SFXN5: variants seen among roughly 807,000 people sequenced by gnomAD.
The protein encoded by SFXN5 is sideroflexin-5.
A neutral mutation model predicts 50.2 loss-of-function variants in SFXN5; 43 were observed. That is an observed-to-expected ratio of 0.86 (90% CI 0.67 to 1.11). The LOEUF is 1.11. Among genes scored for constraint, SFXN5 ranks in the 50% least tolerant of loss-of-function variants. The pLI, the probability that SFXN5 is intolerant of heterozygous loss-of-function variation, is 0.00. For missense variants in SFXN5, 463 were observed against 454.1 expected (o/e 1.02, Z -0.18); for synonymous variants, 203 against 185.8 (o/e 1.09, Z -0.75).
chr2:72,989,048 T>C (rs919512950), intron 9 of SFXN5, among the ~76,000 whole-genome samples: 1 of 152,328 alleles, frequency 6.6e-6, no homozygotes. Context: ...CTTTCTCATG[T>C]GTGCCACACC....
intron 1 of SFXN5, among the ~76,000 whole-genome samples, chr2:73,067,525 ATTGT>A (rs1372344527): frequency 6.6e-6 from 1 of 152,218 alleles, no homozygotes; most frequent in Non-Finnish European, 1.5e-5. Context: ...CTAGGCAGGA[ATTGT>A]TTGTTGTCTT....
In SFXN5 at chr2:73,060,820, C is replaced by T. The variant is rs151007648; in HGVS notation, c.103-2224G>A. On this transcript the variant is annotated intron_variant, in intron 1 of 13. Transcript: ENST00000272433. ...GAGTTAGCAATTCTCCTGCCTCAGCCTCCCGAGTAGCTGTGACTACAGGCC... is the reference window on the plus strand; with the variant it reads ...GAGTTAGCAATTCTCCTGCCTCAGCTTCCCGAGTAGCTGTGACTACAGGCC... Among the ~76,000 whole-genome samples the T allele has an allele frequency of 5.9e-5, 9 of 151,968 alleles. No individual in the cohort carries two copies. In the East Asian group the frequency reaches 1.8e-3, roughly 30 times the overall value.
At chr2:73,068,380 G>C (rs540369367) in intron 1 of SFXN5, among the ~76,000 whole-genome samples, 3 of 152,128 alleles carry the variant, frequency 2.0e-5, no homozygotes, top group Non-Finnish European at 4.4e-5. Flanking sequence ...CCCTAAAGGA[G>C]CTCATCAACC....
At chr2:73,061,573 A>G (rs1247803527) in intron 1 of SFXN5, among the ~76,000 whole-genome samples, 1 of 152,190 alleles carries the variant, frequency 6.6e-6, no homozygotes, top group Admixed American at 6.5e-5. Flanking sequence ...AGATCTAGGC[A>G]AATAGCGAAG....
At chr2:72,996,502 G>GTTTTTTTTTTTTTTTTTTTT (rs1183156160) in intron 9 of SFXN5, 1 of 113,552 alleles carries the variant, frequency 8.8e-6, no homozygotes. Context: ...AAAAAGCTGA[G>GTTTTTTTTTTTTTTTTTTTT]TTTTGTTTTT....
At chr2:72,964,443 A>C (rs1674135401) in intron 12 of SFXN5, among the ~76,000 whole-genome samples, 1 of 152,248 alleles carries the variant, frequency 6.6e-6, no homozygotes, top group South Asian at 2.1e-4. Context: ...AGCCCCAACA[A>C]ACAAGGTGAT....
rs199581080 is a variant in SFXN5, at chr2:72,947,036, G to A, written c.946-1937C>T. On this transcript the variant is annotated intron_variant, in intron 13 of 13. Transcript: ENST00000272433. ...ATTCCTGCCCCTACTCTGCTCTCCCGTCTTCAGCTCATCATCTTTCGTGTC... is the reference window on the plus strand; with the variant it reads ...ATTCCTGCCCCTACTCTGCTCTCCCATCTTCAGCTCATCATCTTTCGTGTC... Among the ~76,000 whole-genome samples the A allele has an allele frequency of 2.0e-4, 30 of 152,102 alleles. 1 individual carries two copies. The highest frequency in any genetic ancestry group is 1.1e-3 in the Admixed American group (17 of 15,272).
intron 13 of SFXN5, among the ~76,000 whole-genome samples, chr2:72,955,179 T>A (rs1346637783): frequency 6.6e-6 from 1 of 152,186 alleles, no homozygotes; most frequent in Non-Finnish European, 1.5e-5. Context: ...CCTCACCAAA[T>A]CAGCTAATTA....
At position 73,059,152 on chromosome 2, in the gene SFXN5, C is replaced by T. The variant is rs1574265499; in HGVS notation, c.103-556G>A. On this transcript the variant is annotated intron_variant, in intron 1 of 13. Transcript: ENST00000272433. ...AGCTGCTGAAGTGCAGGACAAGGGG[C>T]AGCTCCCCCAACCTTGCCCCAGAGC... 6 of 986,936 alleles carry T rather than the reference C, an allele frequency of 6.1e-6. No individual in the cohort carries two copies. The African/African-American group carries it at 1.0e-4, about 17-fold the overall frequency. The allele number at this position is 986,936 out of a possible 1,614,324, so 61.1% of individuals were successfully genotyped here.
At position 72,945,396 on chromosome 2, in the gene SFXN5, C is replaced by G. The variant is rs2105299303; in HGVS notation, c.946-297G>C. 6.6e-6 allele frequency among the ~76,000 whole-genome samples: 1 copy of G among 152,212 alleles called. No individual in the cohort carries two copies. The highest frequency in any genetic ancestry group is 2.4e-5 in the African/African-American group (1 of 41,526). On this transcript the variant is annotated intron_variant, in intron 13 of 13. Coordinates refer to ENST00000272433, the MANE Select transcript of SFXN5 (RefSeq NM_144579.3). This position sits in a 1 kb window ranked among gnomAD's most constrained non-coding sequence, Gnocchi z 5.8. ...TCTGAGTTCTGCATCTCCCTCACCC[C>G]CAAGAACCATGTCCACTGCACTGCA... is the stretch of plus-strand genomic sequence containing the variant.
At position 72,968,536 on chromosome 2, in the gene SFXN5, GA is replaced by G. The variant is rs753703827; in HGVS notation, c.742-4del. The stretch of plus-strand genomic sequence containing the variant: ...GTCAGCGCCGTCTCCAGCAGGGCCT[GA>G]GGGGCAGGCAGAAGCTGTGTGAGAG... On this transcript the variant is annotated splice_region_variant and splice_polypyrimidine_tract_variant and intron_variant, in intron 11 of 13. Transcript: ENST00000272433. 22 of 1,613,078 alleles carry G rather than the reference GA, an allele frequency of 1.4e-5. No individual in the cohort carries two copies. The highest frequency in any genetic ancestry group is 1.9e-5 in the Non-Finnish European group (22 of 1,179,932).
At chr2:72,980,243 C>A (rs1395323138) in intron 10 of SFXN5, among the ~76,000 whole-genome samples, 1 of 152,094 alleles carries the variant, frequency 6.6e-6, no homozygotes, top group Non-Finnish European at 1.5e-5. Context: ...TCCTTCCCAA[C>A]CCTAAACTTT....
intron 3 of SFXN5, among the ~76,000 whole-genome samples, chr2:73,029,701 G>T (rs1678052686): frequency 6.6e-6 from 1 of 152,166 alleles, no homozygotes; most frequent in Non-Finnish European, 1.5e-5. Flanking sequence ...AACAGCCCTA[G>T]GAGGTTGGGA....
chr2:72,959,315 C>T (rs1164335883), intron 13 of SFXN5, among the ~76,000 whole-genome samples: 1 of 152,134 alleles, frequency 6.6e-6, no homozygotes, highest in East Asian at 1.9e-4. Context: ...TGTCACCCAT[C>T]TCTCAGCCCC....
intron 3 of SFXN5, 95 bp downstream of exon 3, chr2:73,040,759 C>A: frequency 6.0e-6 from 6 of 992,020 alleles, no homozygotes. Context: ...ATATGCTGGA[C>A]GAAAGAAGTG....
chr2:73,047,249 T>TATATATATATATATATATACACAC lies in SFXN5; in HGVS notation c.172-6319_172-6318insGTGTGTATATATATATATATATAT, dbSNP rs1680523361. ...AAAAAAAAAAAAAAAAAAAAAAATA[T>TATATATATATATATATATACACAC]ATATATATATATATATATATATATA... On this transcript the variant is annotated intron_variant, in intron 2 of 13. Coordinates refer to ENST00000272433, the MANE Select transcript of SFXN5 (RefSeq NM_144579.3). 6.2e-4 allele frequency among the ~76,000 whole-genome samples: 12 copies of TATATATATATATATATATACACAC among 19,316 alleles called. 1 individual carries two copies. Among genetic ancestry groups the TATATATATATATATATATACACAC allele is most frequent in the Non-Finnish European group, 1.3e-3 (11 of 8,532 alleles). The allele number at this position is 19,316 out of a possible 152,430, so 12.7% of individuals were successfully genotyped here.
At chr2:73,003,307 T>C (rs1674171385) in intron 6 of SFXN5, among the ~76,000 whole-genome samples, 1 of 152,210 alleles carries the variant, frequency 6.6e-6, no homozygotes, top group Admixed American at 6.5e-5. Flanking sequence ...TCTTATGGAC[T>C]ACACTGTCTT....
chr2:72,957,624 C>T (rs1673251547), intron 13 of SFXN5, among the ~76,000 whole-genome samples: 1 of 152,260 alleles, frequency 6.6e-6, no homozygotes, highest in African/African-American at 2.4e-5. Context: ...CAAGCAAGTC[C>T]AGACTTATTG....
intron 9 of SFXN5, among the ~76,000 whole-genome samples, chr2:72,989,279 C>T (rs1229023038): frequency 2.0e-5 from 3 of 152,150 alleles, no homozygotes; most frequent in Non-Finnish European, 4.4e-5. Context: ...CAGTTCACAC[C>T]TGTTCTTTCA....
Sources: allele counts gnomAD v4.1 joint callset (sites outside exome capture counted in the v4.1 genomes callset), GRCh38; gene constraint gnomAD v4.1.1; non-coding constraint Gnocchi (gnomAD v3.1); transcripts MANE v1.5; gene names NCBI Gene and HGNC (gene_info 2026-07-23, HGNC 2026-07-21).